RBMS3: variants seen among roughly 807,000 people sequenced by gnomAD.
The protein encoded by RBMS3 is RNA-binding motif, single-stranded-interacting protein 3.
A neutral mutation model predicts 66.8 loss-of-function variants in RBMS3; 27 were observed. That is an observed-to-expected ratio of 0.40 (90% CI 0.30 to 0.56). The LOEUF (loss-of-function observed/expected upper bound fraction) is 0.56. Among genes scored for constraint, RBMS3 ranks in the 20% least tolerant of loss-of-function variants. The pLI is 0.40. For missense variants in RBMS3, 513 were observed against 549.5 expected (o/e 0.93, Z 0.66); for synonymous variants, 188 against 183.0 (o/e 1.03, Z -0.22).
intron 4 of RBMS3, among the ~76,000 whole-genome samples, chr3:29,654,209 G>A (rs1435265223): frequency 6.6e-6 from 1 of 152,184 alleles, no homozygotes; most frequent in Admixed American, 6.5e-5. Context: ...TTCCTATTTA[G>A]ACAGTTTTAA....
At chr3:29,677,558 C>T (rs1403181423) in intron 4 of RBMS3, among the ~76,000 whole-genome samples, 25 of 151,978 alleles carry the variant, frequency 1.6e-4, no homozygotes, top group Admixed American at 1.6e-3. Context: ...TTATAGGTGA[C>T]TCATTTTCAG....
At chr3:29,532,926 G>A (rs898079757) in intron 3 of RBMS3, among the ~76,000 whole-genome samples, 1 of 152,198 alleles carries the variant, frequency 6.6e-6, no homozygotes, top group South Asian at 2.1e-4. Flanking sequence ...TAAGCCACTG[G>A]ATACCTATAT....
intron 1 of RBMS3, among the ~76,000 whole-genome samples, chr3:29,296,913 T>C (rs967742734): frequency 2.7e-5 from 4 of 150,272 alleles, no homozygotes; most frequent in Non-Finnish European, 4.5e-5. Flanking sequence ...CAAATTAGCA[T>C]TTTTTTTTAA....
At chr3:29,423,993 A>T (rs939241752) in intron 1 of RBMS3, among the ~76,000 whole-genome samples, 22 of 152,192 alleles carry the variant, frequency 1.4e-4, no homozygotes, top group African/African-American at 3.9e-4. Context: ...CTTACCTCTA[A>T]GAGTTCTGAG....
intron 4 of RBMS3, among the ~76,000 whole-genome samples, chr3:29,703,871 T>G (rs1468283153): frequency 6.6e-6 from 1 of 152,164 alleles, no homozygotes; most frequent in African/African-American, 2.4e-5. Context: ...AGCTTTCATC[T>G]GTATTTACAG....
intron 4 of RBMS3, among the ~76,000 whole-genome samples, chr3:29,675,220 C>A (rs900779453): frequency 6.6e-6 from 1 of 152,112 alleles, no homozygotes; most frequent in Non-Finnish European, 1.5e-5. Context: ...ACTGGCTAGC[C>A]ATATGTAGAA....
intron 10 of RBMS3, among the ~76,000 whole-genome samples, chr3:29,901,345 G>T: frequency 6.6e-6 from 1 of 151,838 alleles, no homozygotes; most frequent in South Asian, 2.1e-4. Context: ...GTGTTCATCC[G>T]TAAAGCACTA....
chr3:29,894,455 T>C (rs1191291809), intron 8 of RBMS3, among the ~76,000 whole-genome samples: 1 of 151,430 alleles, frequency 6.6e-6, no homozygotes, highest in Non-Finnish European at 1.5e-5. Context: ...GGGGCTACCA[T>C]CTTGTTATGT....
In RBMS3 at chr3:29,484,315, T is replaced by A. The variant is rs147561946; in HGVS notation, c.249-4126T>A. Among the ~76,000 whole-genome samples the A allele has an allele frequency of 8.5e-4, 129 of 152,264 alleles. 1 individual carries two copies. The highest frequency in any genetic ancestry group is 2.9e-3 in the African/African-American group (122 of 41,574). Reference sequence around the variant, plus strand: ...CATGAAAATATATTTTCTCACAGTTTTGAAGTGGGAAATACAAGATCAAGG... The same window carrying A: ...CATGAAAATATATTTTCTCACAGTTATGAAGTGGGAAATACAAGATCAAGG... On this transcript the variant is annotated intron_variant, in intron 2 of 14. Transcript: ENST00000383767.
intron 6 of RBMS3, among the ~76,000 whole-genome samples, chr3:29,846,124 G>A (rs1013473402): frequency 7.9e-5 from 12 of 151,976 alleles, no homozygotes; most frequent in Non-Finnish European, 1.6e-4. Flanking sequence ...TTTCAAACAG[G>A]AAAGGGATGT....
intron 6 of RBMS3, among the ~76,000 whole-genome samples, chr3:29,860,901 G>A (rs561016758): frequency 1.3e-5 from 2 of 152,186 alleles, no homozygotes; most frequent in Admixed American, 6.5e-5. Context: ...GCAGAGCCTC[G>A]CTCTGTTGCC....
intron 3 of RBMS3, among the ~76,000 whole-genome samples, 175 bp downstream of exon 3, chr3:29,488,674 A>T (rs1466346483): frequency 6.6e-6 from 1 of 152,180 alleles, no homozygotes; most frequent in Non-Finnish European, 1.5e-5. Context: ...TTGCTCATTC[A>T]TTTTTTTCAT....
At chr3:29,413,425 C>CACACACAT (rs370196244) in intron 1 of RBMS3, among the ~76,000 whole-genome samples, 1 of 148,412 alleles carries the variant, frequency 6.7e-6, no homozygotes, top group African/African-American at 2.5e-5. Context: ...TACATACATA[C>CACACACAT]ACAGAGTTGC....
intron 6 of RBMS3, among the ~76,000 whole-genome samples, chr3:29,843,585 G>C (rs1274364102): frequency 6.6e-6 from 1 of 152,156 alleles, no homozygotes; most frequent in Non-Finnish European, 1.5e-5. Flanking sequence ...ACGTTGACCA[G>C]GGTTTTCTTC....
At chr3:29,504,257 C>G (rs1257140094) in intron 3 of RBMS3, among the ~76,000 whole-genome samples, 1 of 152,060 alleles carries the variant, frequency 6.6e-6, no homozygotes. Flanking sequence ...ATTTGTACGT[C>G]ATGAAGACTT....
intron 4 of RBMS3, among the ~76,000 whole-genome samples, chr3:29,608,472 C>T (rs2048384763): frequency 6.6e-6 from 1 of 151,972 alleles, no homozygotes; most frequent in Admixed American, 6.6e-5. Context: ...TGCTTAAAGT[C>T]AAGATTATAC....
intron 1 of RBMS3, among the ~76,000 whole-genome samples, chr3:29,314,910 T>C (rs1456524514): frequency 6.6e-6 from 1 of 151,586 alleles, no homozygotes. Flanking sequence ...TGGCATGAGA[T>C]CAGTAAGAAA....
In RBMS3 at chr3:29,764,664, G is replaced by A. The variant is rs183601063; in HGVS notation, c.637+1675G>A. Among the ~76,000 whole-genome samples, 556 of 152,132 alleles carry A rather than the reference G, an allele frequency of 3.7e-3. 15 individuals carry two copies. Among genetic ancestry groups the A allele is most frequent in the Admixed American group, 0.034 (521 of 15,236 alleles). On this transcript the variant is annotated intron_variant, in intron 6 of 14. Coordinates refer to ENST00000383767, the MANE Select transcript of RBMS3 (RefSeq NM_001003793.3). ...GGTATGTCAAAAAGACGTATTGAAA[G>A]CCTTCTTGCCCTGATTGATTTGAAA... is the stretch of plus-strand genomic sequence containing the variant.
At chr3:29,457,215 T>G (rs2042220774) in intron 2 of RBMS3, among the ~76,000 whole-genome samples, 1 of 152,196 alleles carries the variant, frequency 6.6e-6, no homozygotes, top group African/African-American at 2.4e-5. Context: ...ATGTCTATCT[T>G]CTAGATGTCT....
Sources: gnomAD v4.1 joint callset for allele counts (sites outside exome capture counted in the v4.1 genomes callset) on GRCh38, gnomAD v4.1.1 for gene constraint, MANE v1.5 for transcripts, NCBI Gene and HGNC (gene_info 2026-07-23, HGNC 2026-07-21) for gene names.